Variants in EBF1 observed in about 807,000 individuals in gnomAD.
The protein encoded by EBF1 is transcription factor COE1.
Under a neutral mutation model 68.4 loss-of-function variants are expected in EBF1, and 10 were observed. The ratio of observed to expected loss-of-function variants is 0.15; its 90% CI spans 0.09 to 0.25. EBF1 has a LOEUF of 0.25. Among genes scored for constraint, EBF1 ranks in the 10% least tolerant of loss-of-function variants. The pLI is 1.00. For synonymous variants in EBF1, 298 were observed against 299.8 expected (o/e 0.99, Z 0.06); for missense variants, 509 against 794.4 (o/e 0.64, Z 4.32).
chr5:158,915,752 T>C (rs1022948811), intron 6 of EBF1, among the ~76,000 whole-genome samples: 137 of 152,274 alleles, frequency 9.0e-4, no homozygotes, highest in East Asian at 1.3e-3. Flanking sequence ...TTGTCGTTAA[T>C]GAAGATGAAG....
At position 158,858,228 on chromosome 5, in the gene EBF1, A is replaced by G. The variant is rs150148177; in HGVS notation, c.555-18118T>C. On this transcript the variant is annotated intron_variant, in intron 6 of 15. Transcript: ENST00000313708. ...CACTGGCATTTCACCGGCTGCATCTAGTGGTAAACTTGCATTAGTTCAGGT... is the reference window on the plus strand; with the variant it reads ...CACTGGCATTTCACCGGCTGCATCTGGTGGTAAACTTGCATTAGTTCAGGT... Among the ~76,000 whole-genome samples, 1,064 of 152,266 alleles carry G rather than the reference A, an allele frequency of 7.0e-3. 6 individuals carry two copies. Among genetic ancestry groups the G allele is most frequent in the Non-Finnish European group, 0.013 (865 of 68,016 alleles).
chr5:158,997,753 G>A (rs1761708636), intron 6 of EBF1, among the ~76,000 whole-genome samples: 1 of 152,146 alleles, frequency 6.6e-6, no homozygotes, highest in Non-Finnish European at 1.5e-5. Flanking sequence ...GTGGCCCAAA[G>A]GAAGAAGTCC....
rs146860364 is a variant in EBF1 at position 158,714,664 on chromosome 5, T to C, written c.1126-482A>G. On this transcript the variant is annotated intron_variant, in intron 11 of 15. Coordinates refer to ENST00000313708, the MANE Select transcript of EBF1 (RefSeq NM_024007.5). ...ATTAAACTTCTTTTGTTTATCTCTC[T>C]TGGATGGTAGAGACATAATATAAGA... is the stretch of plus-strand genomic sequence containing the variant. 5.6e-3 allele frequency among the ~76,000 whole-genome samples: 857 copies of C among 152,290 alleles called. 6 individuals are homozygous for C. The highest frequency in any genetic ancestry group is 0.02 in the African/African-American group (829 of 41,536).
chr5:158,958,664 A>G (rs1396581947), intron 6 of EBF1, among the ~76,000 whole-genome samples: 2 of 151,860 alleles, frequency 1.3e-5, no homozygotes, highest in African/African-American at 4.8e-5. Flanking sequence ...TACACATCCC[A>G]CTGGTATTAT....
rs371212788 is a variant in EBF1, at chr5:158,930,319, GA to G, written c.555-90210del. ...AGTCTCCCATGTTTAGTAATTAACA[GA>G]CCCCGCCAGAGAGGAACAGAACAAA... On this transcript the variant is annotated intron_variant, in intron 6 of 15. Coordinates refer to ENST00000313708, the MANE Select transcript of EBF1 (RefSeq NM_024007.5). Among the ~76,000 whole-genome samples the G allele has an allele frequency of 6.8e-3, 1,025 of 149,972 alleles. 15 individuals are homozygous for G. Among genetic ancestry groups the G allele is most frequent in the African/African-American group, 0.024 (969 of 40,618 alleles).
At chr5:159,056,185 T>C (rs963097476) in intron 6 of EBF1, among the ~76,000 whole-genome samples, 1 of 152,200 alleles carries the variant, frequency 6.6e-6, no homozygotes, top group Admixed American at 6.5e-5. Context: ...ATACATAAAT[T>C]CAAAATTCCA....
At chr5:159,086,836 C>T (rs1332750123) in intron 4 of EBF1, among the ~76,000 whole-genome samples, 3 of 152,190 alleles carry the variant, frequency 2.0e-5, no homozygotes, top group East Asian at 1.9e-4. Flanking sequence ...AATTTTCATC[C>T]ACTAGTTTCA....
chr5:158,941,135 A>G, intron 6 of EBF1: 1 of 453,900 alleles, frequency 2.2e-6, no homozygotes, highest in South Asian at 1.6e-5. Context: ...AGATGAACAT[A>G]TGGCACGTGG....
At chr5:158,918,721 T>TG (rs1290116235) in intron 6 of EBF1, among the ~76,000 whole-genome samples, 1 of 152,228 alleles carries the variant, frequency 6.6e-6, no homozygotes, top group African/African-American at 2.4e-5. Context: ...GGTTCATCTC[T>TG]GGAGAGAATG....
At chr5:159,063,879 A>C (rs931326899) in intron 6 of EBF1, among the ~76,000 whole-genome samples, 9 of 152,172 alleles carry the variant, frequency 5.9e-5, no homozygotes, top group Admixed American at 5.9e-4. Context: ...AACGCTTCAA[A>C]ATAGAAGTGA....
chr5:159,044,696 T>C (rs1771977523), intron 6 of EBF1, among the ~76,000 whole-genome samples: 1 of 152,216 alleles, frequency 6.6e-6, no homozygotes, highest in African/African-American at 2.4e-5. Context: ...CTGAGTCAAA[T>C]AAGTAGTCTA....
intron 8 of EBF1, among the ~76,000 whole-genome samples, chr5:158,815,021 T>C (rs1301953179): frequency 2.0e-5 from 3 of 152,182 alleles, no homozygotes; most frequent in Admixed American, 2.0e-4. Context: ...TTGCCTTGCT[T>C]GTGTTAAGAA....
intron 6 of EBF1, among the ~76,000 whole-genome samples, chr5:158,989,706 C>T (rs937923274): frequency 6.6e-6 from 1 of 152,152 alleles, no homozygotes; most frequent in Non-Finnish European, 1.5e-5. Context: ...TTTCTCAAGT[C>T]TGTAAGAGGT....
chr5:158,969,305 C>T (rs1048472261), intron 6 of EBF1, among the ~76,000 whole-genome samples: 2 of 152,100 alleles, frequency 1.3e-5, no homozygotes, highest in Non-Finnish European at 2.9e-5. Context: ...TCGGTCCCCC[C>T]AACCCAAAAG....
intron 8 of EBF1, among the ~76,000 whole-genome samples, chr5:158,802,402 C>G (rs1254807512): frequency 6.6e-6 from 1 of 152,090 alleles, no homozygotes; most frequent in Non-Finnish European, 1.5e-5. Flanking sequence ...TAATCTAAAT[C>G]TAAATCTAAA....
intron 6 of EBF1, among the ~76,000 whole-genome samples, chr5:159,045,888 G>A (rs755716683): frequency 6.6e-6 from 1 of 152,134 alleles, no homozygotes; most frequent in Non-Finnish European, 1.5e-5. Context: ...AAGGACTGGA[G>A]GAAAAAATGA....
intron 8 of EBF1, among the ~76,000 whole-genome samples, chr5:158,820,118 T>G (rs913933871): frequency 1.3e-5 from 2 of 151,896 alleles, no homozygotes; most frequent in East Asian, 3.9e-4. Flanking sequence ...AGGATATAAA[T>G]AGAGATTTGC....
intron 6 of EBF1, among the ~76,000 whole-genome samples, chr5:158,884,796 G>C (rs1455960999): frequency 6.6e-6 from 1 of 152,078 alleles, no homozygotes; most frequent in Non-Finnish European, 1.5e-5. Context: ...CATAATTTAT[G>C]TCTCTTCATC....
intron 11 of EBF1, among the ~76,000 whole-genome samples, chr5:158,723,821 G>C (rs1021606256): frequency 1.3e-5 from 2 of 152,130 alleles, no homozygotes; most frequent in African/African-American, 4.8e-5. Context: ...TTAAAGAGGT[G>C]AGAATTACAA....
Sources: allele counts gnomAD v4.1 joint callset (sites outside exome capture counted in the v4.1 genomes callset), GRCh38; gene constraint gnomAD v4.1.1; transcripts MANE v1.5; gene names NCBI Gene and HGNC (gene_info 2026-07-23, HGNC 2026-07-21).